Variants in NIPAL3 observed in about 807,000 individuals in gnomAD.
NIPAL3 encodes the protein NIPA like domain containing 3, also known as NIPA-like protein 3.
NIPAL3 carries 41 observed loss-of-function variants against 47.2 expected under a neutral mutation model. The ratio of observed to expected loss-of-function variants is 0.87; its 90% CI spans 0.68 to 1.13. The LOEUF is 1.13. Among genes scored for constraint, NIPAL3 ranks in the 50% most tolerant of loss-of-function variants. The pLI is 0.00. For missense variants in NIPAL3, 449 were observed against 530.1 expected, an observed-to-expected ratio of 0.85 and a Z score of 1.50; for synonymous variants, 194 against 209.6, an observed-to-expected ratio of 0.93 and a Z score of 0.64.
intron 10 of NIPAL3, 124 bp from the exon 11 acceptor site, chr1:24,463,902 C>A: frequency 1.5e-6 from 1 of 676,678 alleles, no homozygotes; most frequent in Non-Finnish European, 2.4e-6. Flanking sequence ...GCTCCTTGGG[C>A]GGTGAGCCCT....
chr1:24,459,063 T>G, intron 9 of NIPAL3, 87 bp downstream of exon 9: 1 of 1,147,304 alleles, frequency 8.7e-7, no homozygotes. Context: ...TTCTGCTGAC[T>G]TGTTCTCCCC....
intron 4 of NIPAL3, among the ~76,000 whole-genome samples, 189 bp downstream of exon 4, chr1:24,442,415 G>C (rs1028784948): frequency 1.3e-5 from 2 of 152,198 alleles, no homozygotes; most frequent in South Asian, 4.1e-4. Flanking sequence ...TAATCCTCCA[G>C]CCACCTGTTG....
At chr1:24,428,290 GAGAGAGAGAGAGAC>G (rs1278734191) in intron 2 of NIPAL3, among the ~76,000 whole-genome samples, 8 of 151,106 alleles carry the variant, frequency 5.3e-5, no homozygotes, top group Middle Eastern at 3.4e-3. Flanking sequence ...GAGAGAGAGA[GAGAGAGAGAGAGAC>G]ACCAGAACCT....
Position 24,469,036 on chromosome 1 carries a change from G to T in NIPAL3, c.1072G>T (p.Ala358Ser), listed in dbSNP as rs767089373. The T allele has an allele frequency of 1.2e-6, 2 of 1,614,140 alleles. No homozygotes were observed. Among genetic ancestry groups the T allele is most frequent in the South Asian group, 2.2e-5 (2 of 91,076 alleles). The change falls in exon 12 of 12, where the codon GCT becomes TCT. Residue 358 changes from alanine (A) to serine (S), a missense_variant. Ala to Ser is a moderately conservative substitution (Grantham distance 99). Transcript: ENST00000374399. ...KGMTVQPELK[A>S]SFSYGALENN... Reference sequence around the variant, plus strand: ...GATGACTGTCCAGCCTGAACTTAAAGCTTCTTTTTCCTATGGGGCTCTGGA... The same window carrying T: ...GATGACTGTCCAGCCTGAACTTAAATCTTCTTTTTCCTATGGGGCTCTGGA...
At chr1:24,428,302 G>GAGAGAA (rs1242337378) in intron 2 of NIPAL3, among the ~76,000 whole-genome samples, 1 of 141,504 alleles carries the variant, frequency 7.1e-6, no homozygotes, top group Admixed American at 7.1e-5. Flanking sequence ...GAGAGAGAGA[G>GAGAGAA]ACACCAGAAC....
intron 9 of NIPAL3, among the ~76,000 whole-genome samples, chr1:24,459,993 T>C (rs1646396049): frequency 6.6e-6 from 1 of 152,162 alleles, no homozygotes. Context: ...CCCACAGACT[T>C]GGGATCTACT....
intron 2 of NIPAL3, among the ~76,000 whole-genome samples, chr1:24,423,460 C>G (rs1644425663): frequency 6.6e-6 from 1 of 152,130 alleles, no homozygotes; most frequent in Admixed American, 6.5e-5. Context: ...AACCCCATCT[C>G]TACTCAAAAA....
intron 5 of NIPAL3, among the ~76,000 whole-genome samples, chr1:24,447,950 A>C (rs1645749755): frequency 6.6e-6 from 1 of 152,270 alleles, no homozygotes; most frequent in Non-Finnish European, 1.5e-5. Flanking sequence ...TTCAGCAAAC[A>C]TTCACTCAGT....
chr1:24,440,414 C>A (rs909331776), intron 3 of NIPAL3, among the ~76,000 whole-genome samples, 174 bp downstream of exon 3: 2 of 152,164 alleles, frequency 1.3e-5, no homozygotes, highest in Non-Finnish European at 2.9e-5. Context: ...TCAGTGGCCC[C>A]ACTCCATCCC....
At chr1:24,425,316 G>C (rs1190833702) in intron 2 of NIPAL3, among the ~76,000 whole-genome samples, 2 of 139,328 alleles carry the variant, frequency 1.4e-5, no homozygotes, top group Admixed American at 1.5e-4. Context: ...GATTTTTTTT[G>C]CGATTTTTTT....
intron 10 of NIPAL3, among the ~76,000 whole-genome samples, chr1:24,461,992 G>T (rs538407049): frequency 2.0e-5 from 3 of 152,172 alleles, no homozygotes. Flanking sequence ...CCTGAGACTG[G>T]GTAATTTATA....
chr1:24,462,530 G>A (rs1557535442), intron 10 of NIPAL3, among the ~76,000 whole-genome samples: 3 of 152,162 alleles, frequency 2.0e-5, no homozygotes, highest in South Asian at 2.1e-4. Context: ...ACTTTAGCAG[G>A]CCAAGGCGGG....
chr1:24,441,209 C>A (rs569625153), intron 3 of NIPAL3, among the ~76,000 whole-genome samples: 19 of 152,292 alleles, frequency 1.2e-4, no homozygotes, highest in Admixed American at 6.5e-4. Context: ...AGACTGTGAT[C>A]CCTGTGGGCA....
At chr1:24,443,829 T>C (rs1403403910) in intron 4 of NIPAL3, among the ~76,000 whole-genome samples, 1 of 152,184 alleles carries the variant, frequency 6.6e-6, no homozygotes, top group African/African-American at 2.4e-5. Flanking sequence ...GACCATTTTC[T>C]ATATTTGTGT....
intron 2 of NIPAL3, among the ~76,000 whole-genome samples, chr1:24,426,083 C>A (rs2281184): frequency 0.76 from 114,970 of 152,138 alleles, 44,364 homozygotes; most frequent in African/African-American, 0.94. Context: ...TTACCTGTGA[C>A]GAAACTGGCG....
At position 24,451,959 on chromosome 1, in the gene NIPAL3, CAAAG is replaced by C. The variant is rs1193842114; in HGVS notation, c.541-1446_541-1443del. 1.3e-5 allele frequency among the ~76,000 whole-genome samples: 2 copies of C among 152,090 alleles called. No homozygotes were observed. The highest frequency in any genetic ancestry group is 2.9e-5 in the Non-Finnish European group (2 of 67,992). ...AAATATGGATTCACTGGAACAAAGA[CAAAG>C]AAGAAACGGGGAAATGAAAGCAGCT... On this transcript the variant is annotated intron_variant, in intron 6 of 11. Coordinates refer to ENST00000374399, the MANE Select transcript of NIPAL3 (RefSeq NM_020448.5). The surrounding 1 kb of genome is among the most constrained non-coding windows in gnomAD (Gnocchi z 4.5).
At chr1:24,431,826 G>A (rs1644892644) in intron 2 of NIPAL3, among the ~76,000 whole-genome samples, 1 of 151,600 alleles carries the variant, frequency 6.6e-6, no homozygotes, top group South Asian at 2.1e-4. Flanking sequence ...CCTATGCGTT[G>A]TGGAACAGCT....
intron 11 of NIPAL3, chr1:24,465,354 G>C (rs1490367165): frequency 6.6e-6 from 1 of 152,118 alleles, no homozygotes; most frequent in Non-Finnish European, 1.5e-5. Context: ...GTGTGTGCAA[G>C]TATGTGTATG....
chr1:24,449,743 A>G lies in NIPAL3; in HGVS notation c.540+117A>G, dbSNP rs1409994450. The G allele has an allele frequency of 8.5e-5, 95 of 1,119,226 alleles. No individual in the cohort carries two copies. Among genetic ancestry groups the G allele is most frequent in the Non-Finnish European group, 1.0e-5 (8 of 797,932 alleles). 69.3% of individuals were successfully genotyped at this position (1,119,226 alleles called of 1,614,324 possible). A position where few individuals can be genotyped will look rare whatever the true frequency, so the allele number is the denominator to read the frequency against. Reference sequence around the variant, plus strand: ...TCCGTGAGTTGCGGCACATTTTACCAGCATGAAAGACCGTGCTTCTGGAGA... The same window carrying G: ...TCCGTGAGTTGCGGCACATTTTACCGGCATGAAAGACCGTGCTTCTGGAGA... On this transcript the variant is annotated intron_variant, in intron 6 of 11. Coordinates refer to ENST00000374399, the MANE Select transcript of NIPAL3 (RefSeq NM_020448.5). The surrounding 1 kb of genome is among the most constrained non-coding windows in gnomAD (Gnocchi z 4.5).
Sources: gnomAD v4.1 joint callset for allele counts (sites outside exome capture counted in the v4.1 genomes callset) on GRCh38, gnomAD v4.1.1 for gene constraint, Gnocchi (gnomAD v3.1) non-coding constraint, MANE v1.5 for transcripts, NCBI Gene and HGNC (gene_info 2026-07-23, HGNC 2026-07-21) for gene names.